WNT2B: variants seen among roughly 807,000 people sequenced by gnomAD.
The protein encoded by WNT2B is Wnt family member 2B.
In WNT2B, 19 loss-of-function variants were observed where a neutral mutation model predicts 40.5. The ratio of observed to expected loss-of-function variants is 0.47; its 90% confidence interval spans 0.33 to 0.69. WNT2B has a LOEUF of 0.69. WNT2B is among the 30% of genes least tolerant of loss of function. The pLI is 0.02. For synonymous variants in WNT2B, 220 were observed against 211.9 expected, an observed-to-expected ratio of 1.04 and a Z score of -0.33; for missense variants, 467 against 556.4, an observed-to-expected ratio of 0.84 and a Z score of 1.62.
rs1046762298 is a variant in WNT2B at position 112,522,052 on chromosome 1, A to C, written c.*1543A>C. On this transcript the variant is annotated 3_prime_UTR_variant, in exon 5 of 5. Coordinates refer to ENST00000369684, the MANE Select transcript of WNT2B (RefSeq NM_024494.3). The stretch of plus-strand genomic sequence containing the variant: ...TTCTTTCTTTTTATTTCTTTTAGAG[A>C]TAGGGTCTCGCTTTGTTGCCCAGGC... The C allele has an allele frequency of 2.0e-5, 3 of 152,002 alleles. No individual in the cohort carries two copies. The highest frequency in any genetic ancestry group is 4.4e-5 in the Non-Finnish European group (3 of 68,032). 9.4% of individuals were successfully genotyped at this position (152,002 alleles called of 1,614,324 possible). A position where few individuals can be genotyped will look rare whatever the true frequency, so the allele number is the denominator to read the frequency against.
chr1:112,482,412 T>G (rs778466579), intron 1 of WNT2B, among the ~76,000 whole-genome samples: 41 of 152,350 alleles, frequency 2.7e-4, no homozygotes, highest in Admixed American at 7.8e-4. Flanking sequence ...CATAGCTCAC[T>G]GTAGTCTTAA....
rs1372228303 is a variant in WNT2B at position 112,515,234 on chromosome 1, G to GAT, written c.403+144_403+145dup. The GAT allele has an allele frequency of 1.9e-6, 2 of 1,038,740 alleles. No homozygotes were observed. The highest frequency in any genetic ancestry group is 2.8e-6 in the Non-Finnish European group (2 of 718,576). 64.3% of individuals were successfully genotyped at this position (1,038,740 alleles called of 1,614,324 possible). A position where few individuals can be genotyped will look rare whatever the true frequency, so the allele number is the denominator to read the frequency against. The stretch of plus-strand genomic sequence containing the variant: ...AGAAAGAACTGTGGGCAGAGCCCAG[G>GAT]ATATAATTGGGAACAGACTCTTAGC... On this transcript the variant is annotated intron_variant, in intron 2 of 4. Coordinates refer to ENST00000369684, the MANE Select transcript of WNT2B (RefSeq NM_024494.3). The surrounding 1 kb of genome is among the most constrained non-coding windows in gnomAD (Gnocchi z 4.4).
At position 112,509,235 on chromosome 1, in the gene WNT2B, G is replaced by C. The variant is rs1226227045; in HGVS notation, c.-28G>C. On this transcript the variant is annotated 5_prime_UTR_variant, in exon 1 of 5. Coordinates refer to ENST00000369684, the MANE Select transcript of WNT2B (RefSeq NM_024494.3). The surrounding 1 kb of genome is among the most constrained non-coding windows in gnomAD (Gnocchi z 4.2). ...AGGTGCCCCGTCCACGCCCCTCCGG[G>C]CTGCGCGGCGGGAGTCTTCGGGGAG... 1 of 1,495,986 alleles carries C rather than the reference G, an allele frequency of 6.7e-7. No individual in the cohort carries two copies. Among genetic ancestry groups the C allele is most frequent in the Non-Finnish European group, 8.8e-7 (1 of 1,130,654 alleles). The allele number at this position is 1,495,986 out of a possible 1,614,324, so 92.7% of individuals were successfully genotyped here. A position where few individuals can be genotyped will look rare whatever the true frequency, so the allele number is the denominator to read the frequency against.
rs77950618 is a variant in WNT2B, at chr1:112,484,887, A to G, written c.-95+17296A>G. 4.8e-3 allele frequency among the ~76,000 whole-genome samples: 737 copies of G among 152,346 alleles called. 17 individuals carry two copies. The East Asian group carries it at 0.057, about 12-fold the overall frequency. On this transcript the variant is annotated intron_variant, in intron 1 of 4. Transcript: ENST00000256640. ...GACTTATACACAAAAACTACAAGTC[A>G]TTGCTAAGACAAATTGAAGTTCTAA...
intron 1 of WNT2B, chr1:112,491,109 C>T (rs1429622902): frequency 6.2e-7 from 1 of 1,607,468 alleles, no homozygotes; most frequent in Non-Finnish European, 8.5e-7. Context: ...TGTCAGATAA[C>T]CAATTATAAA....
At chr1:112,507,064 A>G (rs1028410919), upstream of WNT2B, among the ~76,000 whole-genome samples, 6 of 152,156 alleles carry the variant, frequency 3.9e-5, no homozygotes, top group African/African-American at 1.4e-4. Context: ...GGGTCCCTGT[A>G]CGGGCTCTGC....
intron 1 of WNT2B, among the ~76,000 whole-genome samples, chr1:112,474,361 G>T (rs927448130): frequency 1.3e-5 from 2 of 151,804 alleles, no homozygotes; most frequent in Admixed American, 6.6e-5. Flanking sequence ...CGTTAGCCAG[G>T]ATGGTCTCAA....
chr1:112,494,378 A>G (rs1276148736), intron 1 of WNT2B, among the ~76,000 whole-genome samples: 5 of 151,160 alleles, frequency 3.3e-5, no homozygotes, highest in African/African-American at 4.9e-5. Context: ...AGAAAAATAT[A>G]TATATTTTAA....
chr1:112,489,545 C>T (rs7525280), intron 1 of WNT2B, among the ~76,000 whole-genome samples: 1,531 of 152,242 alleles, frequency 0.01, 25 homozygotes, highest in African/African-American at 0.035. Flanking sequence ...GCCTGGGTGA[C>T]AGAGGGAGAC....
At chr1:112,507,977 G>C (rs192727115), upstream of WNT2B, among the ~76,000 whole-genome samples, 789 of 152,196 alleles carry the variant, frequency 5.2e-3, 9 homozygotes, top group African/African-American at 0.018. Context: ...AGTCTCTTTC[G>C]GCAGACTGCA....
intron 1 of WNT2B, chr1:112,491,207 AG>A: frequency 2.3e-6 from 2 of 863,344 alleles, no homozygotes; most frequent in Non-Finnish European, 3.6e-6. Context: ...CAAGAGTTCG[AG>A]ACCAGCCTGG....
Position 112,527,921 on chromosome 1 carries a change from G to T in WNT2B, c.*7412G>T, listed in dbSNP as rs1223351872. On this transcript the variant is annotated 3_prime_UTR_variant, in exon 5 of 5. Coordinates refer to ENST00000369684, the MANE Select transcript of WNT2B (RefSeq NM_024494.3). Reference sequence around the variant, plus strand: ...ACTGGAACTCTGGGGAAACTGAAAAGGTCATCAATAGGCCTTCAAAATATT... The same window carrying T: ...ACTGGAACTCTGGGGAAACTGAAAATGTCATCAATAGGCCTTCAAAATATT... 1.3e-5 allele frequency: 2 copies of T among 152,184 alleles called. No homozygotes were observed. The highest frequency in any genetic ancestry group is 2.9e-5 in the Non-Finnish European group (2 of 68,032). 9.4% of individuals were successfully genotyped at this position (152,184 alleles called of 1,614,324 possible).
At chr1:112,510,722 A>T (rs1312633737) in intron 1 of WNT2B, among the ~76,000 whole-genome samples, 1 of 149,510 alleles carries the variant, frequency 6.7e-6, no homozygotes, top group Non-Finnish European at 1.5e-5. Flanking sequence ...AAATCTCTGC[A>T]GTGTTGGGGA....
chr1:112,518,268 T>G (rs184080687), intron 4 of WNT2B: 1 of 152,372 alleles, frequency 6.6e-6, no homozygotes, highest in East Asian at 1.9e-4. Flanking sequence ...ACTAGGAACA[T>G]GCAATGCAGC....
At chr1:112,508,223 G>C (rs1369429367), upstream of WNT2B, among the ~76,000 whole-genome samples, 6 of 151,950 alleles carry the variant, frequency 3.9e-5, no homozygotes. The surrounding 1 kb of genome is among the most constrained non-coding windows in gnomAD (Gnocchi z 4.2). Flanking sequence ...GAGGCACAGA[G>C]GGGGAGCGGG....
chr1:112,499,469 A>C (rs1651878756), intron 1 of WNT2B, among the ~76,000 whole-genome samples: 2 of 152,256 alleles, frequency 1.3e-5, no homozygotes, highest in African/African-American at 4.8e-5. Context: ...GATTTATCCC[A>C]GATATGCAAG....
chr1:112,480,803 A>C (rs2780267), intron 1 of WNT2B, among the ~76,000 whole-genome samples: 46,205 of 152,018 alleles, frequency 0.3, 8,094 homozygotes, highest in African/African-American at 0.48. Flanking sequence ...AGGCCAATAT[A>C]CCTGATTAAC....
At chr1:112,488,169 C>A (rs61820471) in intron 1 of WNT2B, among the ~76,000 whole-genome samples, 10,970 of 151,744 alleles carry the variant, frequency 0.072, 512 homozygotes, top group African/African-American at 0.13. Flanking sequence ...GGGTGGTGCA[C>A]GCCTAGTAAT....
intron 1 of WNT2B, among the ~76,000 whole-genome samples, chr1:112,476,507 C>G (rs1000544828): frequency 7.9e-5 from 12 of 152,096 alleles, no homozygotes; most frequent in African/African-American, 2.4e-4. Flanking sequence ...CTTGCAGCAA[C>G]CCAAAGGACC....
Sources: allele counts gnomAD v4.1 joint callset (sites outside exome capture counted in the v4.1 genomes callset), GRCh38; gene constraint gnomAD v4.1.1; non-coding constraint Gnocchi (gnomAD v3.1); transcripts MANE v1.5; gene names NCBI Gene and HGNC (gene_info 2026-07-23, HGNC 2026-07-21).